NAALADL2: variants seen among roughly 807,000 people sequenced by gnomAD.
The protein encoded by NAALADL2 is N-acetylated alpha-linked acidic dipeptidase like 2.
Under a neutral mutation model 87.2 loss-of-function variants are expected in NAALADL2, and 76 were observed. The observed-to-expected ratio is 0.87, with a 90% CI of 0.72 to 1.05. The LOEUF (loss-of-function observed/expected upper bound fraction) is 1.05, where lower values mean the gene tolerates loss of function less well. NAALADL2 is among the 50% of genes least tolerant of loss of function. The probability of loss-of-function intolerance (pLI) is 0.00; values close to 1 mark genes in which losing one functional copy is unlikely to be tolerated. For missense variants in NAALADL2, 1,089 were observed against 945.8 expected, an observed-to-expected ratio of 1.15 and a Z score of -1.99; for synonymous variants, 354 against 331.0, an observed-to-expected ratio of 1.07 and a Z score of -0.75.
intron 1 of NAALADL2, among the ~76,000 whole-genome samples, chr3:174,525,826 G>A (rs1578086570): frequency 6.6e-6 from 1 of 152,242 alleles, no homozygotes; most frequent in South Asian, 2.1e-4. Flanking sequence ...ACAAAACTTT[G>A]ACTAGTAAGA....
chr3:175,570,040 T>A (rs1408506139), intron 9 of NAALADL2, among the ~76,000 whole-genome samples: 1 of 152,174 alleles, frequency 6.6e-6, no homozygotes, highest in Non-Finnish European at 1.5e-5. Context: ...GACAATAGTG[T>A]AGTGCTTGTC....
chr3:175,340,449 C>A (rs1254536275), intron 5 of NAALADL2, among the ~76,000 whole-genome samples: 1 of 152,058 alleles, frequency 6.6e-6, no homozygotes, highest in Non-Finnish European at 1.5e-5. Flanking sequence ...GGGATAGGAG[C>A]CCTCGATTGC....
chr3:174,749,060 T>A (rs1450590981), intron 3 of NAALADL2, among the ~76,000 whole-genome samples: 1 of 152,150 alleles, frequency 6.6e-6, no homozygotes, highest in Non-Finnish European at 1.5e-5. Context: ...ACTTGCCTGT[T>A]TCAGCCAGGA....
chr3:175,681,186 C>T (rs1470626039), intron 11 of NAALADL2, among the ~76,000 whole-genome samples: 1 of 152,120 alleles, frequency 6.6e-6, no homozygotes, highest in African/African-American at 2.4e-5. Context: ...CTATTTGTAT[C>T]ATCTACTTTT....
intron 1 of NAALADL2, among the ~76,000 whole-genome samples, chr3:174,455,592 C>T (rs770895775): frequency 6.6e-6 from 1 of 152,114 alleles, no homozygotes; most frequent in African/African-American, 2.4e-5. Flanking sequence ...AAGTGTGATT[C>T]ATCACATAAA....
chr3:175,702,573 G>A (rs1284228013), intron 11 of NAALADL2, among the ~76,000 whole-genome samples: 1 of 152,092 alleles, frequency 6.6e-6, no homozygotes, highest in Non-Finnish European at 1.5e-5. Flanking sequence ...GTCCAATAAA[G>A]TCAACCTTTG....
At chr3:175,135,551 G>A (rs1379211076) in intron 2 of NAALADL2, among the ~76,000 whole-genome samples, 2 of 152,004 alleles carry the variant, frequency 1.3e-5, no homozygotes, top group East Asian at 1.9e-4. Flanking sequence ...GTCAAATAAA[G>A]TGATTAAAAA....
chr3:174,537,494 C>T (rs1721831955), intron 1 of NAALADL2, among the ~76,000 whole-genome samples: 1 of 152,088 alleles, frequency 6.6e-6, no homozygotes, highest in African/African-American at 2.4e-5. Context: ...TATTAAGTGC[C>T]AGGTAGTTTA....
intron 2 of NAALADL2, among the ~76,000 whole-genome samples, chr3:175,098,903 T>C (rs1721639571): frequency 6.6e-6 from 1 of 152,058 alleles, no homozygotes; most frequent in African/African-American, 2.4e-5. Flanking sequence ...GTTTTTTTTT[T>C]TTTCCCTGAG....
intron 2 of NAALADL2, among the ~76,000 whole-genome samples, chr3:175,199,702 A>G (rs1292692723): frequency 2.0e-5 from 3 of 148,864 alleles, no homozygotes; most frequent in Non-Finnish European, 4.5e-5. Flanking sequence ...CGTTAGCTTT[A>G]CTCCTAGTTT....
At chr3:175,535,972 G>A (rs1734760521) in intron 9 of NAALADL2, among the ~76,000 whole-genome samples, 1 of 152,176 alleles carries the variant, frequency 6.6e-6, no homozygotes, top group African/African-American at 2.4e-5. Flanking sequence ...GCGCAACGCA[G>A]TTTAATACCA....
chr3:175,806,206 ACT>A lies in NAALADL2; in HGVS notation c.*3007_*3008del, dbSNP rs1754688516. Reference sequence around the variant, plus strand: ...TCTCTGACTGTACCTGACAAACAAAACTCTCCCCGAGAATTCAGGCAAAGGAC... The same window carrying A: ...TCTCTGACTGTACCTGACAAACAAAACTCCCCGAGAATTCAGGCAAAGGAC... On this transcript the variant is annotated 3_prime_UTR_variant, in exon 14 of 14. Coordinates refer to ENST00000454872, the MANE Select transcript of NAALADL2 (RefSeq NM_207015.3). 1 of 151,594 alleles carries A rather than the reference ACT, an allele frequency of 6.6e-6. No homozygotes were observed. Among genetic ancestry groups the A allele is most frequent in the Admixed American group, 6.6e-5 (1 of 15,178 alleles). 9.4% of individuals were successfully genotyped at this position (151,594 alleles called of 1,614,324 possible).
At chr3:175,296,228 G>T (rs1756361559) in intron 4 of NAALADL2, among the ~76,000 whole-genome samples, 1 of 152,096 alleles carries the variant, frequency 6.6e-6, no homozygotes, top group Non-Finnish European at 1.5e-5. Context: ...GGTGCTACAT[G>T]TGTTAAAGTA....
chr3:175,362,726 G>T (rs1451653082), intron 5 of NAALADL2, among the ~76,000 whole-genome samples: 1 of 148,004 alleles, frequency 6.8e-6, no homozygotes, highest in Non-Finnish European at 1.5e-5. Flanking sequence ...TCAAATGATA[G>T]TTCTCCTTTT....
intron 1 of NAALADL2, among the ~76,000 whole-genome samples, chr3:175,063,545 C>G (rs1315102445): frequency 1.3e-5 from 2 of 152,044 alleles, no homozygotes; most frequent in African/African-American, 4.8e-5. Flanking sequence ...CTTGTCATCA[C>G]AGCTCACTGC....
chr3:174,485,789 G>A (rs1717816941), intron 1 of NAALADL2, among the ~76,000 whole-genome samples: 1 of 151,924 alleles, frequency 6.6e-6, no homozygotes, highest in African/African-American at 2.4e-5. Context: ...AAATAATGCT[G>A]TAATAAACAT....
intron 1 of NAALADL2, among the ~76,000 whole-genome samples, chr3:174,936,374 G>C (rs1250220273): frequency 1.3e-5 from 2 of 151,842 alleles, no homozygotes; most frequent in Non-Finnish European, 2.9e-5. Context: ...ATCTATTCCT[G>C]GATGCCTACT....
At chr3:175,473,514 A>G (rs1725201920) in intron 9 of NAALADL2, among the ~76,000 whole-genome samples, 2 of 151,966 alleles carry the variant, frequency 1.3e-5, no homozygotes, top group Admixed American at 1.3e-4. Context: ...ATTTCAATCA[A>G]TGGGGATTAC....
In NAALADL2 at chr3:175,485,818, T is replaced by A. The variant is rs190878459; in HGVS notation, c.1653+14060T>A. Reference sequence around the variant, plus strand: ...ACAGACACACCCAGAAACAATACTTTGCATCCTTCAATGCAATCATGTTGA... The same window carrying A: ...ACAGACACACCCAGAAACAATACTTAGCATCCTTCAATGCAATCATGTTGA... On this transcript the variant is annotated intron_variant, in intron 9 of 13. Transcript: ENST00000454872. Among the ~76,000 whole-genome samples the A allele has an allele frequency of 2.6e-5, 4 of 152,308 alleles. No homozygotes were observed. The East Asian group carries it at 7.7e-4, about 29-fold the overall frequency.
Sources: allele counts gnomAD v4.1 joint callset (sites outside exome capture counted in the v4.1 genomes callset), GRCh38; gene constraint gnomAD v4.1.1; transcripts MANE v1.5; gene names NCBI Gene and HGNC (gene_info 2026-07-23, HGNC 2026-07-21).